The following ATP9B variants were observed in gnomAD, a reference collection of about 807,000 sequenced individuals.
The protein encoded by ATP9B is ATPase phospholipid transporting 9B, also known as probable phospholipid-transporting ATPase IIB.
A neutral mutation model predicts 146.1 loss-of-function variants in ATP9B; 110 were observed. That is an observed-to-expected ratio of 0.75 (90% confidence interval 0.65 to 0.88). ATP9B has a LOEUF of 0.88. Ranked by LOEUF, ATP9B falls within the 40% of genes least tolerant of loss-of-function variation. The pLI, the probability that ATP9B is intolerant of heterozygous loss-of-function variation, is 0.00. For missense variants in ATP9B, 1,499 were observed against 1,496.4 expected (o/e 1.00, Z -0.03); for synonymous variants, 604 against 569.7 (o/e 1.06, Z -0.86).
intron 7 of ATP9B, among the ~76,000 whole-genome samples, chr18:79,165,284 C>T (rs1037277748): frequency 1.3e-5 from 2 of 152,308 alleles, no homozygotes; most frequent in African/African-American, 4.8e-5. Flanking sequence ...GGGATGGAAG[C>T]CTCCAGAGCA....
intron 15 of ATP9B, among the ~76,000 whole-genome samples, chr18:79,315,972 C>T (rs2096677472): frequency 6.6e-6 from 1 of 152,186 alleles, no homozygotes; most frequent in African/African-American, 2.4e-5. Flanking sequence ...GAGAACTAGT[C>T]ATTTGAAGTG....
intron 1 of ATP9B, among the ~76,000 whole-genome samples, chr18:79,080,900 T>C (rs981435978): frequency 6.6e-6 from 1 of 152,254 alleles, no homozygotes; most frequent in Admixed American, 6.5e-5. Context: ...TCATTGGTTC[T>C]GTTTATGTGA....
intron 11 of ATP9B, among the ~76,000 whole-genome samples, chr18:79,218,501 A>C (rs1428837380): frequency 6.7e-6 from 1 of 149,908 alleles, no homozygotes; most frequent in African/African-American, 2.5e-5. Context: ...TGTCCGGCAC[A>C]GGCTGGCAGC....
intron 12 of ATP9B, among the ~76,000 whole-genome samples, chr18:79,271,936 T>C (rs1461067795): frequency 6.6e-6 from 1 of 152,136 alleles, no homozygotes; most frequent in Non-Finnish European, 1.5e-5. Context: ...CCATTCTAAC[T>C]GGTGTGAGAT....
intron 26 of ATP9B, among the ~76,000 whole-genome samples, chr18:79,371,386 A>C (rs918056539): frequency 3.2e-4 from 48 of 150,540 alleles, no homozygotes; most frequent in Non-Finnish European, 1.0e-4. Flanking sequence ...AAAAAAAAAA[A>C]AAAAAAAAAA....
intron 16 of ATP9B, 113 bp downstream of exon 16, chr18:79,329,415 G>A (rs1600080927): frequency 4.3e-6 from 5 of 1,168,612 alleles, no homozygotes; most frequent in Admixed American, 2.9e-5. Context: ...GCTTTATGCT[G>A]TTACAGTTTT....
At chr18:79,235,087 G>A (rs569820260) in intron 11 of ATP9B, among the ~76,000 whole-genome samples, 1 of 152,168 alleles carries the variant, frequency 6.6e-6, no homozygotes, top group East Asian at 1.9e-4. Flanking sequence ...TGGTCGGGCT[G>A]GTCTCGAACT....
intron 14 of ATP9B, among the ~76,000 whole-genome samples, chr18:79,304,279 C>G (rs1425663798): frequency 6.6e-6 from 1 of 152,002 alleles, no homozygotes; most frequent in Non-Finnish European, 1.5e-5. Flanking sequence ...GTATTATGTG[C>G]CCCTAATTGA....
At position 79,320,555 on chromosome 18, in the gene ATP9B, G is replaced by T. The variant is rs140939997; in HGVS notation, c.1774-8586G>T. Among the ~76,000 whole-genome samples, 365 of 152,360 alleles carry T rather than the reference G, an allele frequency of 2.4e-3. 1 individual carries two copies. The highest frequency in any genetic ancestry group is 6.4e-3 in the South Asian group (31 of 4,830). On this transcript the variant is annotated intron_variant, in intron 15 of 29. Transcript: ENST00000426216. ...TTTGTCACTGAGCTAGCTGCCGTCAGTCTCCATAACTGTGTCTGTTGTTGG... is the reference window on the plus strand; with the variant it reads ...TTTGTCACTGAGCTAGCTGCCGTCATTCTCCATAACTGTGTCTGTTGTTGG...
intron 8 of ATP9B, among the ~76,000 whole-genome samples, chr18:79,177,540 G>T (rs1259124119): frequency 6.6e-6 from 1 of 152,084 alleles, no homozygotes; most frequent in East Asian, 1.9e-4. Context: ...ACCATGCCCA[G>T]TGATAAATTT....
intron 28 of ATP9B, 129 bp downstream of exon 28, chr18:79,374,230 G>A (rs1253050639): frequency 1.8e-6 from 2 of 1,095,848 alleles, no homozygotes; most frequent in Non-Finnish European, 2.6e-6. Flanking sequence ...GAAAGTGCCT[G>A]CTCTTACTGT....
chr18:79,343,068 T>C (rs976672059), intron 20 of ATP9B, among the ~76,000 whole-genome samples: 1 of 152,252 alleles, frequency 6.6e-6, no homozygotes, highest in Non-Finnish European at 1.5e-5. Flanking sequence ...ACATTCTGTG[T>C]CTGCGTCTGT....
chr18:79,311,929 G>A (rs764319402), intron 15 of ATP9B, among the ~76,000 whole-genome samples: 2 of 152,152 alleles, frequency 1.3e-5, no homozygotes, highest in East Asian at 3.9e-4. Flanking sequence ...CTCTGTCCCC[G>A]GTGTGGCTGG....
chr18:79,287,636 A>G (rs2096458884), intron 13 of ATP9B, among the ~76,000 whole-genome samples: 1 of 151,146 alleles, frequency 6.6e-6, no homozygotes, highest in Non-Finnish European at 1.5e-5. Context: ...CTCTGATTTT[A>G]GTTATTTCTT....
At chr18:79,073,168 C>A (rs2072149846) in intron 1 of ATP9B, among the ~76,000 whole-genome samples, 1 of 152,062 alleles carries the variant, frequency 6.6e-6, no homozygotes, top group African/African-American at 2.4e-5. Context: ...CAGACGGGCT[C>A]CTCACATCCC....
chr18:79,366,586 G>C (rs889313502), intron 26 of ATP9B, among the ~76,000 whole-genome samples: 2 of 152,212 alleles, frequency 1.3e-5, no homozygotes, highest in Admixed American at 6.5e-5. Flanking sequence ...GTTTGGGCTT[G>C]TGGTTTCTGT....
chr18:79,224,523 C>A lies in ATP9B; in HGVS notation c.1107+10485C>A, dbSNP rs573512519. Among the ~76,000 whole-genome samples the A allele has an allele frequency of 3.9e-5, 6 of 152,286 alleles. No homozygotes were observed. In the East Asian group the frequency reaches 1.2e-3, roughly 29 times the overall value. On this transcript the variant is annotated intron_variant, in intron 11 of 29. Coordinates refer to ENST00000426216, the MANE Select transcript of ATP9B (RefSeq NM_198531.5). ...GCCAGACTAGGGAGGGTCTGGGGTT[C>A]ATGGACATGCCCTGTCTCATGCAAA...
Position 79,143,240 on chromosome 18 carries a change from A to G in ATP9B, c.668-562A>G, listed in dbSNP as rs146221940. On this transcript the variant is annotated intron_variant, in intron 5 of 29. Coordinates refer to ENST00000426216, the MANE Select transcript of ATP9B (RefSeq NM_198531.5). Reference sequence around the variant, plus strand: ...TATATATGAAACTTTGTCAACGACTATTCTACATTAGATGTTTCGTAGATA... The same window carrying G: ...TATATATGAAACTTTGTCAACGACTGTTCTACATTAGATGTTTCGTAGATA... 7.9e-5 allele frequency among the ~76,000 whole-genome samples: 12 copies of G among 152,382 alleles called. No individual in the cohort carries two copies. The East Asian group carries it at 2.1e-3, about 27-fold the overall frequency.
At chr18:79,295,361 C>T (rs2096540464) in intron 13 of ATP9B, among the ~76,000 whole-genome samples, 1 of 152,148 alleles carries the variant, frequency 6.6e-6, no homozygotes. Context: ...TCTAAGAAAA[C>T]TGTGTTATTT....
Sources: gnomAD v4.1 joint callset for allele counts (sites outside exome capture counted in the v4.1 genomes callset) on GRCh38, gnomAD v4.1.1 for gene constraint, MANE v1.5 for transcripts, NCBI Gene and HGNC (gene_info 2026-07-23, HGNC 2026-07-21) for gene names.